The following EGFR variants were observed in gnomAD, a reference collection of about 807,000 sequenced individuals.
EGFR encodes avian erythroblastic leukemia viral (v-erb-b) oncogene homolog.
In EGFR, 58 loss-of-function variants were observed where a neutral mutation model predicts 143.0. The observed-to-expected ratio is 0.41, with a 90% CI of 0.33 to 0.50. EGFR has a LOEUF of 0.50. Among genes scored for constraint, EGFR ranks in the 20% least tolerant of loss-of-function variants. The pLI is 0.39. For missense variants in EGFR, 1,307 were observed against 1,579.0 expected, an observed-to-expected ratio of 0.83 and a Z score of 2.92; for synonymous variants, 613 against 594.4, an observed-to-expected ratio of 1.03 and a Z score of -0.45.
chr7:55,145,741 AAGATAGTGCT>A (rs1330212672), intron 3 of EGFR, among the ~76,000 whole-genome samples: 2 of 152,196 alleles, frequency 1.3e-5, no homozygotes, highest in African/African-American at 4.8e-5. Context: ...AGAATGAATG[AAGATAGTGCT>A]TATAAATCAG....
At chr7:55,142,920 G>A (rs988438548) in intron 2 of EGFR, among the ~76,000 whole-genome samples, 2 of 152,174 alleles carry the variant, frequency 1.3e-5, no homozygotes, top group Non-Finnish European at 2.9e-5. Flanking sequence ...TTTGGATGGG[G>A]TTTACTTAGC....
chr7:55,095,680 TACAC>T (rs1317656981), intron 1 of EGFR, among the ~76,000 whole-genome samples: 2 of 145,448 alleles, frequency 1.4e-5, no homozygotes, highest in Non-Finnish European at 3.0e-5. Context: ...TACACAGAAA[TACAC>T]ACAGACACAC....
At chr7:55,063,370 A>G (rs1789305003) in intron 1 of EGFR, among the ~76,000 whole-genome samples, 1 of 152,122 alleles carries the variant, frequency 6.6e-6, no homozygotes, top group African/African-American at 2.4e-5. Context: ...TTTAGATCGA[A>G]CCACATGTGC....
chr7:55,133,500 C>T (rs559091835), intron 1 of EGFR, among the ~76,000 whole-genome samples: 5 of 152,310 alleles, frequency 3.3e-5, no homozygotes, highest in South Asian at 2.1e-4. Flanking sequence ...GTCAGCTGGC[C>T]GGGTTTTGAA....
chr7:55,166,199 A>G (rs1290614338), intron 15 of EGFR: 1 of 496,472 alleles, frequency 2.0e-6, no homozygotes. Flanking sequence ...AATTAGCAGA[A>G]GCACTCTGAT....
intron 20 of EGFR, among the ~76,000 whole-genome samples, chr7:55,189,913 C>A: frequency 6.6e-6 from 1 of 152,142 alleles, no homozygotes; most frequent in Non-Finnish European, 1.5e-5. Context: ...CCTAACTCTC[C>A]CTTTCGAATG....
intron 16 of EGFR, 190 bp from the exon 17 acceptor site, chr7:55,172,793 A>G: frequency 6.6e-7 from 1 of 1,516,352 alleles, no homozygotes; most frequent in Admixed American, 2.0e-5. Context: ...GACTGGGGAG[A>G]GCTTGAGAAA....
rs1302601303 is a variant in EGFR at position 55,152,529 on chromosome 7, C to A, written c.629-17C>A. The A allele has an allele frequency of 6.2e-7, 1 of 1,610,122 alleles. No homozygotes were observed. On this transcript the variant is annotated splice_polypyrimidine_tract_variant and intron_variant, in intron 5 of 27. Transcript: ENST00000275493. ...CCCTCACTCTTCAGCTCACAGGGAA[C>A]CTTTGCTCTTTTTCAGTGACCAAAA...
Position 55,156,481 on chromosome 7 carries a change from A to G in EGFR, c.1007-52A>G, listed in dbSNP as rs532000537. 7 of 1,612,122 alleles carry G rather than the reference A, an allele frequency of 4.3e-6. No homozygotes were observed. In the Admixed American group the frequency reaches 1.2e-4, roughly 27 times the overall value. On this transcript the variant is annotated intron_variant, in intron 8 of 27. Transcript: ENST00000275493. ...TCCCTCTGCCTGTGGATCCCTAGCT[A>G]TTCTTAATCCAACAAATGTGAACGG...
rs2128939666 is a variant in EGFR at position 55,157,698 on chromosome 7, A to G, written c.1243A>G (p.Thr415Ala). The G allele has an allele frequency of 1.2e-6, 2 of 1,614,258 alleles. No homozygotes were observed. ...GATTCAGGCTTGGCCTGAAAACAGG[A>G]CGGACCTCCATGCCTTTGAGAACCT... ...LLIQAWPENR[T>A]DLHAFENLEI... The change falls in exon 11 of 28, where the codon ACG (threonine) becomes GCG (alanine). Residue 415 changes from threonine to alanine, a missense_variant. Physicochemically the swap from Thr to Ala is moderately conservative, Grantham distance 58. Coordinates refer to ENST00000275493, the MANE Select transcript of EGFR (RefSeq NM_005228.5).
intron 6 of EGFR, 63 bp downstream of exon 6, chr7:55,152,727 C>T: frequency 7.1e-7 from 1 of 1,418,364 alleles, no homozygotes; most frequent in Non-Finnish European, 9.9e-7. Context: ...CCACCCACAC[C>T]AGGACAGAAG....
At chr7:55,029,451 G>A (rs750640700) in intron 1 of EGFR, among the ~76,000 whole-genome samples, 2 of 149,406 alleles carry the variant, frequency 1.3e-5, no homozygotes, top group Admixed American at 6.7e-5. Flanking sequence ...TCTCTTCCTC[G>A]CTCCTTCTTT....
intron 20 of EGFR, among the ~76,000 whole-genome samples, chr7:55,186,184 T>C (rs1787129499): frequency 6.6e-6 from 1 of 152,108 alleles, no homozygotes. Flanking sequence ...AGCAGGACTG[T>C]GAGAGAGTGA....
intron 1 of EGFR, among the ~76,000 whole-genome samples, chr7:55,095,639 C>T (rs1020972912): frequency 6.6e-6 from 1 of 152,056 alleles, no homozygotes; most frequent in African/African-American, 2.4e-5. Context: ...ATACACACAA[C>T]ACACAGAGTT....
chr7:55,083,238 T>C (rs1294113429), intron 1 of EGFR, among the ~76,000 whole-genome samples: 1 of 152,260 alleles, frequency 6.6e-6, no homozygotes, highest in African/African-American at 2.4e-5. Flanking sequence ...ACGTTGACTT[T>C]ATTTAGTAGC....
intron 22 of EGFR, among the ~76,000 whole-genome samples, chr7:55,196,318 T>G (rs1426998357): frequency 6.6e-6 from 1 of 152,052 alleles, no homozygotes; most frequent in Admixed American, 6.5e-5. Flanking sequence ...ATGTATGTCT[T>G]CTTCTAAAAA....
At chr7:55,160,008 C>A in intron 11 of EGFR, 131 bp from the exon 12 acceptor site, 1 of 954,056 alleles carries the variant, frequency 1.0e-6, no homozygotes, top group African/African-American at 1.6e-5. Context: ...GTGTGTGCCT[C>A]CCACAGCATG....
At chr7:55,118,154 G>A (rs1431282409) in intron 1 of EGFR, among the ~76,000 whole-genome samples, 2 of 152,124 alleles carry the variant, frequency 1.3e-5, no homozygotes, top group African/African-American at 4.8e-5. Context: ...TGAGCATTTT[G>A]CCAGTGCTTC....
At chr7:55,056,631 G>C (rs562617573) in intron 1 of EGFR, among the ~76,000 whole-genome samples, 1 of 152,304 alleles carries the variant, frequency 6.6e-6, no homozygotes, top group South Asian at 2.1e-4. Context: ...CACGTGTTTT[G>C]TTAGTCTATT....
Sources: gnomAD v4.1 joint callset for allele counts (sites outside exome capture counted in the v4.1 genomes callset) on GRCh38, gnomAD v4.1.1 for gene constraint, MANE v1.5 for transcripts, NCBI Gene and HGNC (gene_info 2026-07-23, HGNC 2026-07-21) for gene names.